Variants in ZNF286A observed in about 807,000 individuals in gnomAD.
ZNF286A encodes the protein zinc finger protein ZNF286.
In ZNF286A, 34 loss-of-function variants were observed where a neutral mutation model predicts 49.3. The ratio of observed to expected loss-of-function variants is 0.69; its 90% confidence interval spans 0.52 to 0.92. The LOEUF (loss-of-function observed/expected upper bound fraction) is 0.92, where lower values mean the gene tolerates loss of function less well. ZNF286A is among the 40% of genes least tolerant of loss of function. The pLI, the probability that ZNF286A is intolerant of heterozygous loss-of-function variation, is 0.00. For synonymous variants in ZNF286A, 155 were observed against 200.4 expected (o/e 0.77, Z 1.91); for missense variants, 462 against 600.2 (o/e 0.77, Z 2.41).
intron 5 of ZNF286A, among the ~76,000 whole-genome samples, chr17:15,715,839 C>T (rs2151482283): frequency 6.6e-6 from 1 of 152,272 alleles, no homozygotes; most frequent in Admixed American, 6.5e-5. Context: ...TCATCTTTCT[C>T]CTCTTCCGAC....
At chr17:15,707,364 C>T (rs375286121) in intron 4 of ZNF286A, among the ~76,000 whole-genome samples, 15 of 150,970 alleles carry the variant, frequency 9.9e-5, no homozygotes, top group South Asian at 2.1e-4. Context: ...GGCATGACCC[C>T]GGGAGGCGGA....
At position 15,717,354 on chromosome 17, in the gene ZNF286A, A is replaced by G; in HGVS notation, c.*64A>G. 7.3e-7 allele frequency: 1 copy of G among 1,366,618 alleles called. No homozygotes were observed. Among genetic ancestry groups the G allele is most frequent in the East Asian group, 2.4e-5 (1 of 42,140 alleles). 84.7% of individuals were successfully genotyped at this position (1,366,618 alleles called of 1,614,324 possible). ...CACTGTATTAAATACTTGAGTGTTT[A>G]GGTGGAAGGCGCATCCATAATATGC... On this transcript the variant is annotated 3_prime_UTR_variant, in exon 6 of 6. Transcript: ENST00000583566.
At position 15,717,515 on chromosome 17, in the gene ZNF286A, G is replaced by C. The variant is rs878936400; in HGVS notation, c.*225G>C. Reference sequence around the variant, plus strand: ...CGATTTCAAAATTTTAATCTCCAACGTCCCAAATAGCTATCTGTGGAAATT... The same window carrying C: ...CGATTTCAAAATTTTAATCTCCAACCTCCCAAATAGCTATCTGTGGAAATT... On this transcript the variant is annotated 3_prime_UTR_variant, in exon 6 of 6. Transcript: ENST00000583566. The C allele has an allele frequency of 2.7e-5, 19 of 705,374 alleles. No individual in the cohort carries two copies. Among genetic ancestry groups the C allele is most frequent in the Middle Eastern group, 4.1e-4 (1 of 2,420 alleles). 43.7% of individuals were successfully genotyped at this position (705,374 alleles called of 1,614,324 possible).
rs151226955 is a variant in ZNF286A, at chr17:15,701,227, C to T, written c.113C>T (p.Thr38Met). 2.2e-4 allele frequency: 359 copies of T among 1,614,034 alleles called. 2 individuals are homozygous for T. In the African/African-American group the frequency reaches 4.0e-3, roughly 18 times the overall value. ...GGAGAAGTGGCTGCTCTGCGCCTCACGGCCAGATCCCAGGTGAGTGAGTGC... is the reference window on the plus strand; with the variant it reads ...GGAGAAGTGGCTGCTCTGCGCCTCATGGCCAGATCCCAGGTGAGTGAGTGC... The part of the protein sequence containing the change: ...EEGEVAALRL[T>M]ARSQETVTFK... The change falls in exon 3 of 6, where the codon ACG (threonine) becomes ATG (methionine). Residue 38 changes from threonine to methionine, a missense_variant. Around this residue, in one of 3 missense-constraint regions of ZNF286A, gnomAD observed 259 missense variants for 272.2 expected, o/e 0.95. Coordinates refer to ENST00000583566, the MANE Select transcript of ZNF286A (RefSeq NM_001130842.2).
Position 15,716,356 on chromosome 17 carries a change from C to G in ZNF286A, c.632C>G (p.Pro211Arg), listed in dbSNP as rs564106957. The part of the protein sequence containing the change: ...KSVLITEDRV[P>R]KGSYAFHTLE... ...GTCCTTATCACTGAAGACAGAGTTC[C>G]CAAAGGATCTTATGCCTTCCATACA... The change falls in exon 6 of 6, where the codon CCC becomes CGC. Residue 211 changes from proline (P) to arginine (R), a missense_variant. Around this residue, in one of 3 missense-constraint regions of ZNF286A, gnomAD observed 259 missense variants for 272.2 expected, o/e 0.95. Transcript: ENST00000583566. 1.4e-4 allele frequency: 223 copies of G among 1,613,600 alleles called. No homozygotes were observed. The highest frequency in any genetic ancestry group is 1.8e-4 in the Non-Finnish European group (215 of 1,179,874).
chr17:15,705,321 C>T (rs767704912), intron 3 of ZNF286A, among the ~76,000 whole-genome samples: 1 of 152,052 alleles, frequency 6.6e-6, no homozygotes, highest in African/African-American at 2.4e-5. Flanking sequence ...ATTTTTCCAG[C>T]TGTCTTATTT....
At position 15,719,152 on chromosome 17, in the gene ZNF286A, A is replaced by AAAAAG. The variant is rs1555566650; in HGVS notation, c.*1865_*1866insAGAAA. The AAAAAG allele has an allele frequency of 2.3e-5, 3 of 132,412 alleles. No individual in the cohort carries two copies. Among genetic ancestry groups the AAAAAG allele is most frequent in the Non-Finnish European group, 3.2e-5 (2 of 62,640 alleles). The allele number at this position is 132,412 out of a possible 1,614,324, so 8.2% of individuals were successfully genotyped here. A position where few individuals can be genotyped will look rare whatever the true frequency, so the allele number is the denominator to read the frequency against. On this transcript the variant is annotated 3_prime_UTR_variant, in exon 6 of 6. Transcript: ENST00000583566. ...GTATCATTACTCAAAAAAAAAAAAA[A>AAAAAG]AAAGAAAGAAAAGAAAACACAGGAA... is the stretch of plus-strand genomic sequence containing the variant.
rs886355162 is a variant in ZNF286A, at chr17:15,709,633, G to A, written c.334+1386G>A. Among the ~76,000 whole-genome samples the A allele has an allele frequency of 2.4e-4, 37 of 152,124 alleles. 2 individuals carry two copies. The highest frequency in any genetic ancestry group is 4.4e-5 in the Non-Finnish European group (3 of 68,034). On this transcript the variant is annotated intron_variant, in intron 5 of 5. Transcript: ENST00000583566. ...TACACAGAGATATATACATATGTATGTAAAACAATCTGTATGTTTTATTGT... is the reference window on the plus strand; with the variant it reads ...TACACAGAGATATATACATATGTATATAAAACAATCTGTATGTTTTATTGT...
chr17:15,705,133 T>G (rs1990132983), intron 3 of ZNF286A, among the ~76,000 whole-genome samples: 2 of 152,188 alleles, frequency 1.3e-5, no homozygotes. Flanking sequence ...ATTTTCCGCA[T>G]AGTAGCTTTA....
intron 5 of ZNF286A, 142 bp from the exon 6 acceptor site, chr17:15,715,917 C>G: frequency 6.6e-7 from 1 of 1,510,730 alleles, no homozygotes; most frequent in East Asian, 2.4e-5. Context: ...ATTTGTTTCT[C>G]TTTGCAAATC....
chr17:15,713,263 G>A (rs1472998401), intron 5 of ZNF286A, among the ~76,000 whole-genome samples: 5 of 152,104 alleles, frequency 3.3e-5, no homozygotes, highest in Admixed American at 6.5e-5. Context: ...TAAACATGTC[G>A]TGTTAGCACA....
intron 5 of ZNF286A, chr17:15,709,735 A>G (rs1184699930): frequency 1.5e-6 from 2 of 1,323,378 alleles, no homozygotes; most frequent in African/African-American, 3.0e-5. Flanking sequence ...ATATATATGA[A>G]TTATGTTATT....
In ZNF286A at chr17:15,709,007, A is replaced by G. The variant is rs1990447465; in HGVS notation, c.334+760A>G. Among the ~76,000 whole-genome samples, 7 of 152,250 alleles carry G rather than the reference A, an allele frequency of 4.6e-5. No individual in the cohort carries two copies. In the South Asian group the frequency reaches 1.2e-3, roughly 27 times the overall value. ...GGATAGATACATACTCACTTTTGGT[A>G]GATAGTGCCAAAGAGGTTTCTAGAG... On this transcript the variant is annotated intron_variant, in intron 5 of 5. Coordinates refer to ENST00000583566, the MANE Select transcript of ZNF286A (RefSeq NM_001130842.2).
chr17:15,706,460 G>T lies in ZNF286A; in HGVS notation c.200G>T (p.Arg67Met), dbSNP rs1475854020. The change falls in exon 4 of 6, where the codon AGG (arginine) becomes ATG (methionine). Residue 67 changes from arginine (R) to methionine (M), a missense_variant. Transcript: ENST00000583566. ...TGGGGGAAGCTGGATCCTGCACAAAGGGATGTGATGCTGGAGAACTATAGG... is the reference window on the plus strand; with the variant it reads ...TGGGGGAAGCTGGATCCTGCACAAATGGATGTGATGCTGGAGAACTATAGG... The part of the protein sequence containing the change: ...EEWGKLDPAQ[R>M]DVMLENYRNL... 1.2e-6 allele frequency: 2 copies of T among 1,613,212 alleles called. No homozygotes were observed. The highest frequency in any genetic ancestry group is 1.7e-6 in the Non-Finnish European group (2 of 1,179,684).
chr17:15,701,427 A>G (rs1989768085), intron 3 of ZNF286A, 187 bp downstream of exon 3: 1 of 481,986 alleles, frequency 2.1e-6, no homozygotes, highest in Non-Finnish European at 3.7e-6. Context: ...CACTGGATGG[A>G]TTTCTTCCCT....
At chr17:15,712,198 T>C (rs1260693911) in intron 5 of ZNF286A, among the ~76,000 whole-genome samples, 3 of 152,226 alleles carry the variant, frequency 2.0e-5, no homozygotes, top group Non-Finnish European at 4.4e-5. Flanking sequence ...TAACTGTGTA[T>C]AACTAGTTTT....
chr17:15,717,734 A>G lies in ZNF286A; in HGVS notation c.*444A>G, dbSNP rs1215945138. Reference sequence around the variant, plus strand: ...TTATTTATTACTCCTTGAGATCTAGATACACATATGGTATAATTCATCTAG... The same window carrying G: ...TTATTTATTACTCCTTGAGATCTAGGTACACATATGGTATAATTCATCTAG... On this transcript the variant is annotated 3_prime_UTR_variant, in exon 6 of 6. Transcript: ENST00000583566. The G allele has an allele frequency of 6.2e-6, 1 of 161,774 alleles. No individual in the cohort carries two copies. The highest frequency in any genetic ancestry group is 2.4e-5 in the African/African-American group (1 of 41,354). 10.0% of individuals were successfully genotyped at this position (161,774 alleles called of 1,614,324 possible).
Position 15,718,159 on chromosome 17 carries a change from TCTC to T in ZNF286A, c.*872_*874del, listed in dbSNP as rs1233908634. ...ACCATGTTAGCCAGGATGGTCTTGA[TCTC>T]CTGACCTCGTGATCTGCCTGCCTCG... On this transcript the variant is annotated 3_prime_UTR_variant, in exon 6 of 6. Transcript: ENST00000583566. 1.3e-5 allele frequency: 2 copies of T among 151,204 alleles called. No individual in the cohort carries two copies. The highest frequency in any genetic ancestry group is 2.4e-5 in the African/African-American group (1 of 41,082). The allele number at this position is 151,204 out of a possible 1,614,324, so 9.4% of individuals were successfully genotyped here. A position where few individuals can be genotyped will look rare whatever the true frequency, so the allele number is the denominator to read the frequency against.
chr17:15,706,371 A>T lies in ZNF286A; in HGVS notation c.127-16A>T, dbSNP rs1393776566. On this transcript the variant is annotated splice_polypyrimidine_tract_variant and intron_variant, in intron 3 of 5. Transcript: ENST00000583566. ...AATTAAGGGAAAGATGTTGAAAAAA[A>T]TATTTTATGTTTTAGGAAACAGTGA... The T allele has an allele frequency of 1.9e-6, 3 of 1,607,606 alleles. No homozygotes were observed. In the Admixed American group the frequency reaches 5.0e-5, roughly 27 times the overall value.
Sources: gnomAD v4.1 joint callset for allele counts (sites outside exome capture counted in the v4.1 genomes callset) on GRCh38, gnomAD v4.1.1 for gene constraint, gnomAD v4.1.1 regional missense constraint, MANE v1.5 for transcripts, NCBI Gene and HGNC (gene_info 2026-07-23, HGNC 2026-07-21) for gene names.